Variants in SLC4A4 observed in about 807,000 individuals in gnomAD.
The protein encoded by SLC4A4 is solute carrier family 4 member 4, also known as electrogenic sodium bicarbonate cotransporter 1.
Under a neutral mutation model 111.5 loss-of-function variants are expected in SLC4A4, and 27 were observed. The ratio of observed to expected loss-of-function variants is 0.24; its 90% CI spans 0.18 to 0.33. SLC4A4 has a LOEUF of 0.33. SLC4A4 is among the 10% of genes least tolerant of loss of function. The pLI, the probability that SLC4A4 is intolerant of heterozygous loss-of-function variation, is 1.00. For synonymous variants in SLC4A4, 443 were observed against 463.4 expected, an observed-to-expected ratio of 0.96 and a Z score of 0.57; for missense variants, 909 against 1,315.5, an observed-to-expected ratio of 0.69 and a Z score of 4.78.
Position 71,203,827 on chromosome 4 carries a change from G to A in SLC4A4, c.-2+16426G>A, listed in dbSNP as rs376001133. 1.8e-3 allele frequency among the ~76,000 whole-genome samples: 274 copies of A among 152,248 alleles called. 1 individual carries two copies. The highest frequency in any genetic ancestry group is 6.1e-3 in the African/African-American group (255 of 41,564). On this transcript the variant is annotated intron_variant, in intron 1 of 25. Transcript: ENST00000264485. Reference sequence around the variant, plus strand: ...TGCGGTCAGGGACACCTGAATAAATGTTTGCTTAAATGATAACTAGTTAGT... The same window carrying A: ...TGCGGTCAGGGACACCTGAATAAATATTTGCTTAAATGATAACTAGTTAGT...
chr4:71,434,004 T>G (rs1560504715), intron 7 of SLC4A4, among the ~76,000 whole-genome samples: 1 of 152,046 alleles, frequency 6.6e-6, no homozygotes, highest in Non-Finnish European at 1.5e-5. Flanking sequence ...TTGAGTATGA[T>G]ACTATTTATA....
intron 1 of SLC4A4, among the ~76,000 whole-genome samples, chr4:71,195,725 C>T (rs1481858394): frequency 1.3e-5 from 2 of 152,152 alleles, no homozygotes; most frequent in East Asian, 3.8e-4. Flanking sequence ...TCTTACTTGA[C>T]ACATGGGATT....
chr4:71,566,820 G>C (rs1035786520), intron 24 of SLC4A4, among the ~76,000 whole-genome samples, 184 bp from the exon 25 acceptor site: 1 of 151,654 alleles, frequency 6.6e-6, no homozygotes, highest in Non-Finnish European at 1.5e-5. Context: ...TAAAGTAAAA[G>C]AGATGAAGTG....
intron 2 of SLC4A4, among the ~76,000 whole-genome samples, chr4:71,244,681 A>G (rs1720508093): frequency 6.6e-6 from 1 of 152,162 alleles, no homozygotes; most frequent in African/African-American, 2.4e-5. Context: ...CTTTCACACT[A>G]AAGCTAATAC....
intron 1 of SLC4A4, among the ~76,000 whole-genome samples, chr4:71,081,428 C>T (rs1578459256): frequency 6.6e-6 from 1 of 152,286 alleles, no homozygotes; most frequent in Non-Finnish European, 1.5e-5. Flanking sequence ...GATGCTGTCA[C>T]ACTGGTCTCA....
intron 2 of SLC4A4, among the ~76,000 whole-genome samples, chr4:71,146,203 G>A (rs1458499465): frequency 6.6e-6 from 1 of 152,196 alleles, no homozygotes; most frequent in Non-Finnish European, 1.5e-5. Flanking sequence ...ATTTTATTAT[G>A]TACCCAGTAG....
intron 17 of SLC4A4, among the ~76,000 whole-genome samples, chr4:71,533,955 T>G (rs1399581433): frequency 6.6e-6 from 1 of 152,112 alleles, no homozygotes; most frequent in East Asian, 1.9e-4. Flanking sequence ...TTTTGAGTCC[T>G]TATCTTAAAC....
intron 23 of SLC4A4, 111 bp downstream of exon 23, chr4:71,560,365 C>T: frequency 8.1e-7 from 1 of 1,233,788 alleles, no homozygotes. Flanking sequence ...GAATGTTTAT[C>T]TGGACATGTG....
At chr4:71,440,536 G>A (rs867494463) in intron 7 of SLC4A4, 80 bp from the exon 8 acceptor site, 2 of 1,539,580 alleles carry the variant, frequency 1.3e-6, no homozygotes, top group South Asian at 1.1e-5. Context: ...GGCCCTTTTT[G>A]TTCCCTTCTC....
rs186000236 is a variant in SLC4A4, at chr4:71,114,327, T to A, written c.-2+21535T>A. ...AAGCAATGGCAACAAAAGACAAAAT[T>A]GACAAATGGGATCTAATTAAACTAA... On this transcript the variant is annotated intron_variant, in intron 2 of 26. Coordinates refer to the SLC4A4 transcript ENST00000649996. Among the ~76,000 whole-genome samples the A allele has an allele frequency of 2.2e-3, 334 of 151,324 alleles. 2 individuals carry two copies. The highest frequency in any genetic ancestry group is 1.5e-3 in the Non-Finnish European group (103 of 67,824).
chr4:71,162,133 T>C (rs927544147), intron 2 of SLC4A4, among the ~76,000 whole-genome samples: 1 of 152,192 alleles, frequency 6.6e-6, no homozygotes, highest in Non-Finnish European at 1.5e-5. Context: ...GACTGAGGCA[T>C]TCAATATGTT....
At chr4:71,450,815 C>A (rs886340204) in intron 10 of SLC4A4, among the ~76,000 whole-genome samples, 14 of 152,160 alleles carry the variant, frequency 9.2e-5, no homozygotes, top group African/African-American at 3.1e-4. Flanking sequence ...CATGCTTTGG[C>A]GATGTTTTGG....
chr4:71,471,506 G>A (rs1357237415), intron 13 of SLC4A4, among the ~76,000 whole-genome samples: 5 of 151,842 alleles, frequency 3.3e-5, no homozygotes, highest in Non-Finnish European at 1.5e-5. Context: ...CTATGGGAAA[G>A]TTTTAAGATA....
intron 1 of SLC4A4, among the ~76,000 whole-genome samples, chr4:71,199,605 T>C (rs976363496): frequency 1.3e-5 from 2 of 152,198 alleles, no homozygotes; most frequent in African/African-American, 4.8e-5. Flanking sequence ...GTGTGATAGA[T>C]GGATTCTGCC....
chr4:71,335,498 C>T (rs931804893), intron 3 of SLC4A4, among the ~76,000 whole-genome samples: 1 of 152,080 alleles, frequency 6.6e-6, no homozygotes, highest in Admixed American at 6.6e-5. Flanking sequence ...ACATTAAAGT[C>T]CTGGAACTGT....
chr4:71,345,408 C>T (rs1729238479), intron 4 of SLC4A4, among the ~76,000 whole-genome samples: 1 of 152,184 alleles, frequency 6.6e-6, no homozygotes, highest in South Asian at 2.1e-4. Flanking sequence ...TTCAGATGGA[C>T]AGTGCTGGAC....
chr4:71,167,365 C>T (rs901574268), intron 2 of SLC4A4, among the ~76,000 whole-genome samples: 2 of 152,202 alleles, frequency 1.3e-5, no homozygotes, highest in Non-Finnish European at 2.9e-5. Context: ...GCTGCATCAT[C>T]TATGCCACAT....
intron 2 of SLC4A4, among the ~76,000 whole-genome samples, chr4:71,095,219 CTG>C (rs1742507515): frequency 6.6e-6 from 1 of 152,154 alleles, no homozygotes; most frequent in Admixed American, 6.6e-5. Context: ...ACCTAGAAAA[CTG>C]TAAGTAAAAC....
chr4:71,149,639 T>A (rs1046233403), intron 2 of SLC4A4, among the ~76,000 whole-genome samples: 1 of 152,216 alleles, frequency 6.6e-6, no homozygotes, highest in Non-Finnish European at 1.5e-5. Context: ...TAGGCATCAG[T>A]CACATGTTGG....
Sources: gnomAD v4.1 joint callset for allele counts (sites outside exome capture counted in the v4.1 genomes callset) on GRCh38, gnomAD v4.1.1 for gene constraint, MANE v1.5 for transcripts, NCBI Gene and HGNC (gene_info 2026-07-23, HGNC 2026-07-21) for gene names.